CADM2: variants seen among roughly 807,000 people sequenced by gnomAD.
CADM2 encodes the protein immunoglobulin superfamily member 4D.
In CADM2, 12 loss-of-function variants were observed where a neutral mutation model predicts 49.8. The observed-to-expected ratio is 0.24, with a 90% CI of 0.15 to 0.39. The LOEUF is 0.39. Among genes scored for constraint, CADM2 ranks in the 10% least tolerant of loss-of-function variants. The probability of loss-of-function intolerance (pLI) is 1.00; values close to 1 mark genes in which losing one functional copy is unlikely to be tolerated. For synonymous variants in CADM2, 214 were observed against 175.4 expected, an observed-to-expected ratio of 1.22 and a Z score of -1.74; for missense variants, 378 against 492.3, an observed-to-expected ratio of 0.77 and a Z score of 2.20.
intron 1 of CADM2, among the ~76,000 whole-genome samples, chr3:85,644,152 G>A (rs1314274936): frequency 6.6e-6 from 1 of 152,148 alleles, no homozygotes; most frequent in Admixed American, 6.6e-5. Context: ...AGTTTTAGCA[G>A]CGTTGGTGTC....
intron 1 of CADM2, among the ~76,000 whole-genome samples, chr3:85,408,527 C>A (rs922343651): frequency 6.6e-6 from 1 of 152,134 alleles, no homozygotes; most frequent in Admixed American, 6.5e-5. Flanking sequence ...AACTACCATA[C>A]AAACTATAGA....
intron 1 of CADM2, among the ~76,000 whole-genome samples, chr3:85,543,420 A>ATGTGTGTGGGGGTGTGTGTGTGTGGGTG (rs372108050): frequency 7.7e-6 from 1 of 129,584 alleles, no homozygotes; most frequent in Non-Finnish European, 1.7e-5. Context: ...TGCCAAGCTA[A>ATGTGTGTGGGGGTGTGTGTGTGTGGGTG]TGTGTGTGTG....
chr3:85,625,160 G>A (rs770357600), intron 1 of CADM2, among the ~76,000 whole-genome samples: 3 of 152,044 alleles, frequency 2.0e-5, no homozygotes, highest in Non-Finnish European at 4.4e-5. Context: ...TGATGATGAT[G>A]ATGATGTATC....
At chr3:85,425,741 C>T (rs751045359) in intron 1 of CADM2, among the ~76,000 whole-genome samples, 1 of 152,064 alleles carries the variant, frequency 6.6e-6, no homozygotes, top group Non-Finnish European at 1.5e-5. Context: ...CCAGTGGAGT[C>T]AAAGGATTGA....
intron 5 of CADM2, among the ~76,000 whole-genome samples, chr3:85,896,539 C>T (rs1715237210): frequency 6.6e-6 from 1 of 152,164 alleles, no homozygotes; most frequent in Non-Finnish European, 1.5e-5. Flanking sequence ...ATGCTGTGTA[C>T]ACCTGGTTAG....
intron 1 of CADM2, among the ~76,000 whole-genome samples, chr3:85,582,190 C>A (rs1308325595): frequency 1.3e-5 from 2 of 152,098 alleles, no homozygotes; most frequent in Non-Finnish European, 2.9e-5. Flanking sequence ...TCCCAAAATG[C>A]TGGGATTACT....
chr3:85,267,626 A>G (rs1354246800), intron 1 of CADM2, among the ~76,000 whole-genome samples: 1 of 151,318 alleles, frequency 6.6e-6, no homozygotes, highest in Non-Finnish European at 1.5e-5. Context: ...ATTTTTTTTT[A>G]CTGTTTTTCC....
chr3:85,436,331 A>G (rs1006812368), intron 1 of CADM2, among the ~76,000 whole-genome samples: 2 of 152,096 alleles, frequency 1.3e-5, no homozygotes, highest in African/African-American at 2.4e-5. Flanking sequence ...GGCTGAGACG[A>G]TGGGGTTTTC....
At chr3:86,034,888 G>A (rs1447465580) in intron 8 of CADM2, among the ~76,000 whole-genome samples, 1 of 151,602 alleles carries the variant, frequency 6.6e-6, no homozygotes, top group Non-Finnish European at 1.5e-5. Flanking sequence ...TTTAATATCT[G>A]GCCAATCTTT....
At chr3:86,024,276 C>G (rs2107079561) in intron 8 of CADM2, among the ~76,000 whole-genome samples, 1 of 152,292 alleles carries the variant, frequency 6.6e-6, no homozygotes, top group South Asian at 2.1e-4. Flanking sequence ...AGGGACAGAT[C>G]AGGTATCTAA....
At chr3:85,237,233 G>A (rs1159609122) in intron 1 of CADM2, among the ~76,000 whole-genome samples, 2 of 151,864 alleles carry the variant, frequency 1.3e-5, no homozygotes, top group African/African-American at 4.8e-5. Context: ...ATGAAGGATT[G>A]TTGGAAGCAT....
intron 2 of CADM2, among the ~76,000 whole-genome samples, chr3:85,799,749 C>T (rs578187160): frequency 3.9e-4 from 59 of 152,278 alleles, no homozygotes; most frequent in Non-Finnish European, 5.4e-4. Flanking sequence ...CTGCTCCTTC[C>T]TGTAGAAGCT....
chr3:85,374,981 G>A (rs1331187517), intron 1 of CADM2, among the ~76,000 whole-genome samples: 3 of 151,112 alleles, frequency 2.0e-5, no homozygotes, highest in Non-Finnish European at 4.4e-5. Context: ...TGGTTGCTCA[G>A]GAAAAAAAGA....
intron 1 of CADM2, 87 bp from the exon 2 acceptor site, chr3:85,726,435 C>T (rs775640694): frequency 5.0e-5 from 69 of 1,374,094 alleles, no homozygotes; most frequent in Non-Finnish European, 6.9e-5. Flanking sequence ...ACTTTAATAG[C>T]AATAACATCT....
intron 1 of CADM2, among the ~76,000 whole-genome samples, chr3:85,470,106 C>T (rs1282013717): frequency 6.6e-6 from 1 of 151,970 alleles, no homozygotes; most frequent in Non-Finnish European, 1.5e-5. Flanking sequence ...TTCAGGTGTC[C>T]AATAAACAGA....
intron 1 of CADM2, among the ~76,000 whole-genome samples, chr3:85,514,284 T>C (rs1042080691): frequency 1.3e-5 from 2 of 152,086 alleles, no homozygotes; most frequent in African/African-American, 4.8e-5. Flanking sequence ...TACTGTTTAT[T>C]TGATTCTCTA....
At chr3:85,737,597 A>G (rs1256604278) in intron 2 of CADM2, among the ~76,000 whole-genome samples, 8 of 141,564 alleles carry the variant, frequency 5.7e-5, no homozygotes, top group Non-Finnish European at 1.2e-4. Context: ...TCTCTCTGTC[A>G]CCCAGGCTGG....
At chr3:85,527,180 A>C (rs1195838685) in intron 1 of CADM2, among the ~76,000 whole-genome samples, 1 of 151,968 alleles carries the variant, frequency 6.6e-6, no homozygotes, top group Non-Finnish European at 1.5e-5. Flanking sequence ...GCAGTGAGAA[A>C]TTTGAGACCA....
At chr3:85,791,521 G>GGAGAGAGAGAGAGAGAGAGAGAAAGA (rs1559659787) in intron 2 of CADM2, among the ~76,000 whole-genome samples, 4 of 131,296 alleles carry the variant, frequency 3.0e-5, no homozygotes, top group Non-Finnish European at 4.8e-5. Flanking sequence ...GGGTGGGGAG[G>GGAGAGAGAGAGAGAGAGAGAGAAAGA]GAGAGAGAGA....
Sources: gnomAD v4.1 joint callset for allele counts (sites outside exome capture counted in the v4.1 genomes callset) on GRCh38, gnomAD v4.1.1 for gene constraint, MANE v1.5 for transcripts, NCBI Gene and HGNC (gene_info 2026-07-23, HGNC 2026-07-21) for gene names.